The following MED23 variants were observed in gnomAD, a reference collection of about 807,000 sequenced individuals.
MED23 encodes mediator complex subunit 23, also known as mediator of RNA polymerase II transcription subunit 23.
Under a neutral mutation model 163.9 loss-of-function variants are expected in MED23, and 105 were observed. The observed-to-expected ratio is 0.64, with a 90% CI of 0.55 to 0.75. The LOEUF (loss-of-function observed/expected upper bound fraction) is 0.75. Ranked by LOEUF, MED23 falls within the 30% of genes least tolerant of loss-of-function variation. The pLI is 0.00. For missense variants in MED23, 1,054 were observed against 1,649.0 expected (o/e 0.64, Z 6.25); for synonymous variants, 561 against 565.6 (o/e 0.99, Z 0.12).
chr6:131,585,290 G>A (rs915640047), downstream of MED23, among the ~76,000 whole-genome samples: 2 of 152,160 alleles, frequency 1.3e-5, no homozygotes, highest in Non-Finnish European at 2.9e-5. Flanking sequence ...AGTAATTTAT[G>A]TGAAAACCCC....
intron 14 of MED23, among the ~76,000 whole-genome samples, chr6:131,604,545 T>C (rs1387462772): frequency 6.6e-6 from 1 of 152,148 alleles, no homozygotes; most frequent in African/African-American, 2.4e-5. Context: ...CGGATCCCCC[T>C]GCTCATGGAA....
At chr6:131,607,676 C>T (rs1441076941) in intron 12 of MED23, among the ~76,000 whole-genome samples, 1 of 151,878 alleles carries the variant, frequency 6.6e-6, no homozygotes, top group Non-Finnish European at 1.5e-5. Flanking sequence ...GCTCAACTGT[C>T]AAAGAAAAAA....
At chr6:131,627,867 C>A (rs1777632761) in intron 1 of MED23, 144 bp downstream of exon 1, 8 of 1,174,558 alleles carry the variant, frequency 6.8e-6, no homozygotes, top group Middle Eastern at 1.9e-4. Context: ...CACTAAACTT[C>A]CCCGCATACA....
chr6:131,577,829 C>T (rs902856723), intron 30 of MED23, among the ~76,000 whole-genome samples: 2 of 150,220 alleles, frequency 1.3e-5, no homozygotes, highest in African/African-American at 2.4e-5. Flanking sequence ...GGCTTGAACC[C>T]GGAGGCAGAG....
intron 10 of MED23, among the ~76,000 whole-genome samples, chr6:131,615,537 C>CAAAAAAAAAAAAAAAA (rs1776620872): frequency 2.3e-5 from 1 of 42,890 alleles, no homozygotes; most frequent in African/African-American, 1.0e-4. Flanking sequence ...AAAAAAAAAT[C>CAAAAAAAAAAAAAAAA]AGCAAGAAGG....
Position 131,598,177 on chromosome 6 carries a change from AG to A in MED23, c.2607+109del. ...GGGAAGTGACAGCAATGCTTGATAT[AG>A]TATAAATTCATTAAATCCTTCAAAG... On this transcript the variant is annotated intron_variant, in intron 20 of 28. Coordinates refer to ENST00000368068, the MANE Select transcript of MED23 (RefSeq NM_004830.4). The surrounding 1 kb of genome is among the most constrained non-coding windows in gnomAD (Gnocchi z 4.7). The A allele has an allele frequency of 9.3e-7, 1 of 1,076,206 alleles. No individual in the cohort carries two copies. The highest frequency in any genetic ancestry group is 1.4e-5 in the South Asian group (1 of 73,278). 66.7% of individuals were successfully genotyped at this position (1,076,206 alleles called of 1,614,324 possible).
At chr6:131,601,298 T>G (rs1485304589) in intron 17 of MED23, among the ~76,000 whole-genome samples, 2 of 152,208 alleles carry the variant, frequency 1.3e-5, no homozygotes, top group Non-Finnish European at 2.9e-5. Flanking sequence ...TTTGCAGTGA[T>G]ATTAACAAAT....
intron 17 of MED23, 86 bp downstream of exon 17, chr6:131,602,132 T>C: frequency 7.0e-7 from 1 of 1,426,114 alleles, no homozygotes; most frequent in Non-Finnish European, 9.9e-7. Flanking sequence ...AAGTATCTTT[T>C]TAGTATGTTA....
rs1468422755 is a variant in MED23 at position 131,596,569 on chromosome 6, TG to T, written c.2726del (p.Pro909GlnfsTer14). 6.2e-7 allele frequency: 1 copy of T among 1,614,106 alleles called. No individual in the cohort carries two copies. Among genetic ancestry groups the T allele is most frequent in the African/African-American group, 1.3e-5 (1 of 74,956 alleles). Reference sequence around the variant, plus strand: ...GCCAGTCATTCTGTAACCAGTGCTCTGGGGAATTTTCCTTCACAAAGTCACT... The same window carrying T: ...GCCAGTCATTCTGTAACCAGTGCTCTGGGAATTTTCCTTCACAAAGTCACT... ...RVSDFVKENSPEHWLQNDWHT... is the reference protein window; with the variant it reads ...RVSDFVKENSXEHWLQNDWHT... On this transcript the variant is annotated frameshift_variant, in exon 21 of 29. Coordinates refer to ENST00000368068, the MANE Select transcript of MED23 (RefSeq NM_004830.4). LOFTEE classifies it high-confidence loss of function.
At chr6:131,596,747 G>T in intron 20 of MED23, 59 bp from the exon 21 acceptor site, 2 of 1,487,842 alleles carry the variant, frequency 1.3e-6, no homozygotes, top group Non-Finnish European at 1.9e-6. Flanking sequence ...AATCATGAGG[G>T]CCATCTGAAA....
intron 24 of MED23, 101 bp from the exon 25 acceptor site, chr6:131,592,561 C>A: frequency 1.0e-6 from 1 of 982,174 alleles, no homozygotes; most frequent in South Asian, 1.3e-5. Flanking sequence ...TTCAGAGGAT[C>A]GACAACTAAT....
At chr6:131,602,412 A>C in intron 16 of MED23, 31 bp from the exon 17 acceptor site, 6 of 1,600,526 alleles carry the variant, frequency 3.7e-6, no homozygotes, top group Non-Finnish European at 5.1e-6. Flanking sequence ...AAGAAATGTA[A>C]AAAAATTTCA....
intron 10 of MED23, 41 bp from the exon 11 acceptor site, chr6:131,610,287 C>T (rs752645462): frequency 5.6e-6 from 9 of 1,593,414 alleles, no homozygotes; most frequent in African/African-American, 5.4e-5. Context: ...AAAAGCCTCT[C>T]GGTTAGTTTC....
intron 30 of MED23, among the ~76,000 whole-genome samples, chr6:131,578,085 A>G (rs1773714974): frequency 6.6e-6 from 1 of 152,004 alleles, no homozygotes; most frequent in Non-Finnish European, 1.5e-5. Context: ...TGGGGGCAAG[A>G]ATTACCTCTA....
chr6:131,591,707 T>C, intron 25 of MED23, 180 bp from the exon 26 acceptor site: 1 of 636,928 alleles, frequency 1.6e-6, no homozygotes, highest in Non-Finnish European at 2.8e-6. Flanking sequence ...GAGAAGTAAC[T>C]GTGAGTTAAG....
intron 30 of MED23, among the ~76,000 whole-genome samples, chr6:131,575,631 G>A (rs1389571756): frequency 6.6e-6 from 1 of 152,170 alleles, no homozygotes; most frequent in African/African-American, 2.4e-5. Context: ...CAATCCTAAA[G>A]ATAGACACAC....
intron 3 of MED23, 67 bp downstream of exon 3, chr6:131,627,329 G>GAAAAAAAAAAAAAAAAAAA: frequency 1.1e-6 from 1 of 871,708 alleles, no homozygotes; most frequent in Non-Finnish European, 1.7e-6. Flanking sequence ...AATGTTAAAA[G>GAAAAAAAAAAAAAAAAAAA]AAAAAAAAAA....
At chr6:131,582,828 C>A, downstream of MED23, 2 of 881,940 alleles carry the variant, frequency 2.3e-6, no homozygotes, top group Non-Finnish European at 3.8e-6. Flanking sequence ...CACACACACA[C>A]ACATGCCCAC....
At chr6:131,577,674 G>A (rs1039503324) in intron 30 of MED23, among the ~76,000 whole-genome samples, 1 of 151,890 alleles carries the variant, frequency 6.6e-6, no homozygotes. Context: ...AGCCAAGGTG[G>A]GTGGACTGTC....
Sources: allele counts gnomAD v4.1 joint callset (sites outside exome capture counted in the v4.1 genomes callset), GRCh38; gene constraint gnomAD v4.1.1; non-coding constraint Gnocchi (gnomAD v3.1); transcripts MANE v1.5; gene names NCBI Gene and HGNC (gene_info 2026-07-23, HGNC 2026-07-21).